Variants in ABTB2 observed in about 807,000 individuals in gnomAD.
ABTB2 encodes the protein ankyrin repeat and BTB domain containing 2, also known as ankyrin repeat and BTB/POZ domain-containing protein 2.
ABTB2 carries 56 observed loss-of-function variants against 104.1 expected under a neutral mutation model. That is an observed-to-expected ratio of 0.54 (90% CI 0.43 to 0.67). The LOEUF is 0.67. Among genes scored for constraint, ABTB2 ranks in the 30% least tolerant of loss-of-function variants. The pLI, the probability that ABTB2 is intolerant of heterozygous loss-of-function variation, is 0.00. For synonymous variants in ABTB2, 606 were observed against 608.2 expected, an observed-to-expected ratio of 1.00 and a Z score of 0.05; for missense variants, 1,279 against 1,407.7, an observed-to-expected ratio of 0.91 and a Z score of 1.46.
At chr11:34,340,800 G>A (rs890923259) in intron 1 of ABTB2, among the ~76,000 whole-genome samples, 2 of 152,210 alleles carry the variant, frequency 1.3e-5, no homozygotes, top group Admixed American at 6.5e-5. Flanking sequence ...ACCTCTGAAA[G>A]AGCTCACCTC....
chr11:34,234,756 C>T (rs557221252), intron 1 of ABTB2, among the ~76,000 whole-genome samples: 1 of 152,360 alleles, frequency 6.6e-6, no homozygotes, highest in South Asian at 2.1e-4. Context: ...CTACCTGCTC[C>T]TGCTTAACCT....
intron 1 of ABTB2, among the ~76,000 whole-genome samples, chr11:34,256,487 C>T (rs1298214994): frequency 2.6e-5 from 4 of 152,178 alleles, no homozygotes; most frequent in South Asian, 2.1e-4. Flanking sequence ...TTTGTGGATC[C>T]GTGCTAAAGC....
At chr11:34,302,372 A>T (rs1430911269) in intron 1 of ABTB2, among the ~76,000 whole-genome samples, 2 of 152,226 alleles carry the variant, frequency 1.3e-5, no homozygotes, top group Admixed American at 1.3e-4. Context: ...TTGCTACTAA[A>T]ATTAAACTCT....
At chr11:34,314,442 T>C (rs950072904) in intron 1 of ABTB2, among the ~76,000 whole-genome samples, 3 of 152,226 alleles carry the variant, frequency 2.0e-5, no homozygotes, top group Admixed American at 2.0e-4. Context: ...TTCAATAGTA[T>C]TTGTTGCATG....
In ABTB2 at chr11:34,159,991, T is replaced by C. The variant is rs200142986; in HGVS notation, c.2521A>G (p.Asn841Asp). 68 of 1,613,466 alleles carry C rather than the reference T, an allele frequency of 4.2e-5. No homozygotes were observed. Among genetic ancestry groups the C allele is most frequent in the Non-Finnish European group, 2.0e-5 (24 of 1,179,790 alleles). ...PARLDPHFLN[N>D]KEMSDVTFLV... is the part of the protein sequence containing the mutation. ...AAGGTCACATCTGACATCTCCTTATTGTTCAAAAAGTGTGGATCTGTGAAA... is the reference window on the plus strand; with the variant it reads ...AAGGTCACATCTGACATCTCCTTATCGTTCAAAAAGTGTGGATCTGTGAAA... Residue 841 changes from asparagine (N) to aspartate (D), a missense_variant, in exon 13 of 17, where the codon AAT (asparagine) becomes GAT (aspartate). Transcript: ENST00000435224.
At position 34,154,326 on chromosome 11, in the gene ABTB2, T is replaced by C; in HGVS notation, c.2819A>G (p.Glu940Gly). 1 of 1,614,046 alleles carries C rather than the reference T, an allele frequency of 6.2e-7. No homozygotes were observed. Among genetic ancestry groups the C allele is most frequent in the Non-Finnish European group, 8.5e-7 (1 of 1,179,980 alleles). Residue 940 changes from glutamate (E) to glycine (G), a missense_variant, in exon 16 of 17, where the codon GAG becomes GGG. Coordinates refer to ENST00000435224, the MANE Select transcript of ABTB2 (RefSeq NM_145804.3). The surrounding 1 kb of genome is among the most constrained non-coding windows in gnomAD (Gnocchi z 4.9). ...GCTGAGGGTCTGGGAGCACAGGATC[T>C]CGCAGTGCCTCTGCAGGGCATCCAG... Reference protein sequence around the residue: ...FQLDALQRHCEILCSQTLSME... With the variant: ...FQLDALQRHCGILCSQTLSME...
chr11:34,329,487 T>A (rs1855105517), intron 1 of ABTB2, among the ~76,000 whole-genome samples: 1 of 152,174 alleles, frequency 6.6e-6, no homozygotes, highest in Non-Finnish European at 1.5e-5. Flanking sequence ...ACCTTCCCTC[T>A]CAGCATGGGG....
chr11:34,197,576 A>T, intron 2 of ABTB2, 38 bp from the exon 3 acceptor site: 1 of 1,387,530 alleles, frequency 7.2e-7, no homozygotes, highest in Non-Finnish European at 9.8e-7. Flanking sequence ...GAGGAAGAGA[A>T]AAAAAGAAGA....
At chr11:34,160,123 CAG>C (rs1852688113) in intron 12 of ABTB2, 115 bp from the exon 13 acceptor site, 2 of 1,255,386 alleles carry the variant, frequency 1.6e-6, no homozygotes, top group African/African-American at 3.0e-5. Context: ...AGGTGAGGAA[CAG>C]AGAAACTGAG....
At chr11:34,168,443 A>G (rs1464135251) in intron 5 of ABTB2, among the ~76,000 whole-genome samples, 2 of 152,220 alleles carry the variant, frequency 1.3e-5, no homozygotes, top group Non-Finnish European at 2.9e-5. Context: ...TGTAATTAAA[A>G]TACCAACAAC....
chr11:34,292,818 G>A lies in ABTB2; in HGVS notation c.883+63883C>T, dbSNP rs139122304. Among the ~76,000 whole-genome samples, 223 of 152,256 alleles carry A rather than the reference G, an allele frequency of 1.5e-3. 2 individuals are homozygous for A. Among genetic ancestry groups the A allele is most frequent in the East Asian group, 6.2e-3 (32 of 5,174 alleles). On this transcript the variant is annotated intron_variant, in intron 1 of 16. Transcript: ENST00000435224. ...TCAGGGAGCCTGTGATGGGGCCACT[G>A]GGTGAAGGTAACAGCAGGTACAAAC...
chr11:34,357,381 C>G lies in ABTB2; in HGVS notation c.203G>C (p.Trp68Ser), dbSNP rs1265057414. 3 of 1,544,828 alleles carry G rather than the reference C, an allele frequency of 1.9e-6. No individual in the cohort carries two copies. The Admixed American group carries it at 5.9e-5, about 30-fold the overall frequency. ...SGSMNSRHNS[W>S]DTVNTVLPED... is the part of the protein sequence containing the mutation. Reference sequence around the variant, plus strand: ...GGGCAGCACCGTGTTCACCGTGTCCCAGCTGTTGTGGCGGCTGTTCATGGA... The same window carrying G: ...GGGCAGCACCGTGTTCACCGTGTCCGAGCTGTTGTGGCGGCTGTTCATGGA... The change falls in exon 1 of 17, where the codon TGG becomes TCG. Residue 68 changes from tryptophan (W) to serine (S), a missense_variant. Coordinates refer to ENST00000435224, the MANE Select transcript of ABTB2 (RefSeq NM_145804.3).
intron 1 of ABTB2, among the ~76,000 whole-genome samples, chr11:34,311,070 T>C (rs1854846925): frequency 6.6e-6 from 1 of 152,148 alleles, no homozygotes; most frequent in African/African-American, 2.4e-5. Flanking sequence ...TCCACTGCCT[T>C]CAGTTTCTGA....
Position 34,154,727 on chromosome 11 carries a change from C to T in ABTB2, c.2740G>A (p.Glu914Lys), listed in dbSNP as rs765830256. ...TCCAGGATGTCAGTGGTGGGGATCTCCATGGATTCTGTTCCTCCGTAGTAC... is the reference window on the plus strand; with the variant it reads ...TCCAGGATGTCAGTGGTGGGGATCTTCATGGATTCTGTTCCTCCGTAGTAC... ...YLYYGGTESM[E>K]IPTTDILELL... Residue 914 changes from glutamate (E) to lysine (K), a missense_variant, in exon 15 of 17, where the codon GAG becomes AAG. Physicochemically the swap from Glu to Lys is moderately conservative, Grantham distance 56. Transcript: ENST00000435224. This position sits in a 1 kb window ranked among gnomAD's most constrained non-coding sequence, Gnocchi z 4.9. 1.2e-6 allele frequency: 2 copies of T among 1,614,076 alleles called. No homozygotes were observed. The highest frequency in any genetic ancestry group is 1.7e-6 in the Non-Finnish European group (2 of 1,180,024).
intron 1 of ABTB2, among the ~76,000 whole-genome samples, chr11:34,244,777 G>C (rs1853965412): frequency 6.6e-6 from 1 of 152,188 alleles, no homozygotes; most frequent in Admixed American, 6.5e-5. Flanking sequence ...GGAGACCGAG[G>C]AGGGTGGATC....
At chr11:34,200,821 T>C (rs77929913) in intron 2 of ABTB2, among the ~76,000 whole-genome samples, 3,919 of 152,258 alleles carry the variant, frequency 0.026, 163 homozygotes, top group African/African-American at 0.089. Context: ...CCCAAACGCA[T>C]GCTCTTGACC....
At chr11:34,262,013 C>T (rs1017067704) in intron 1 of ABTB2, among the ~76,000 whole-genome samples, 1 of 152,320 alleles carries the variant, frequency 6.6e-6, no homozygotes, top group East Asian at 1.9e-4. Context: ...CACCATACCC[C>T]TGGTACAGTG....
At chr11:34,236,959 A>G (rs1346871937) in intron 1 of ABTB2, among the ~76,000 whole-genome samples, 1 of 152,204 alleles carries the variant, frequency 6.6e-6, no homozygotes. Flanking sequence ...AGAAAGTTGA[A>G]TGTATGCAAA....
intron 3 of ABTB2, among the ~76,000 whole-genome samples, chr11:34,186,969 A>G (rs941412623): frequency 6.6e-6 from 1 of 152,158 alleles, no homozygotes; most frequent in Admixed American, 6.5e-5. Context: ...TACCACTCTG[A>G]GCAATGTGAA....
Sources: allele counts gnomAD v4.1 joint callset (sites outside exome capture counted in the v4.1 genomes callset), GRCh38; gene constraint gnomAD v4.1.1; non-coding constraint Gnocchi (gnomAD v3.1); transcripts MANE v1.5; gene names NCBI Gene and HGNC (gene_info 2026-07-23, HGNC 2026-07-21).